DLGAP1: variants seen among roughly 807,000 people sequenced by gnomAD.
DLGAP1 encodes DLG associated protein 1, also known as disks large-associated protein 1.
DLGAP1 carries 11 observed loss-of-function variants against 90.8 expected under a neutral mutation model. That is an observed-to-expected ratio of 0.12 (90% CI 0.08 to 0.20). The LOEUF is 0.20. Ranked by LOEUF, DLGAP1 falls within the 10% of genes least tolerant of loss-of-function variation. The pLI is 1.00. For missense variants in DLGAP1, 1,050 were observed against 1,333.8 expected (o/e 0.79, Z 3.31); for synonymous variants, 558 against 540.7 (o/e 1.03, Z -0.44).
intron 1 of DLGAP1, among the ~76,000 whole-genome samples, chr18:4,427,496 G>C (rs1384398940): frequency 1.3e-5 from 2 of 152,178 alleles, no homozygotes; most frequent in African/African-American, 4.8e-5. Flanking sequence ...TAGATTGGAA[G>C]AGCTTGTTCT....
At chr18:4,057,949 T>C (rs2075246047) in intron 2 of DLGAP1, among the ~76,000 whole-genome samples, 1 of 152,192 alleles carries the variant, frequency 6.6e-6, no homozygotes, top group South Asian at 2.1e-4. Context: ...GCTCTGCTCC[T>C]CCTGGCTGAT....
intron 2 of DLGAP1, among the ~76,000 whole-genome samples, chr18:4,115,599 C>T (rs1302650099): frequency 1.3e-5 from 2 of 152,194 alleles, no homozygotes; most frequent in South Asian, 2.1e-4. Context: ...CATCCTCCTG[C>T]CTCAGCCTCC....
At chr18:3,902,353 C>T (rs2071803176) in intron 3 of DLGAP1, among the ~76,000 whole-genome samples, 1 of 152,080 alleles carries the variant, frequency 6.6e-6, no homozygotes, top group African/African-American at 2.4e-5. Context: ...AAAACTAAGT[C>T]TATTTGTGGA....
chr18:4,144,044 T>A (rs1398924128), intron 2 of DLGAP1, among the ~76,000 whole-genome samples: 1 of 152,078 alleles, frequency 6.6e-6, no homozygotes. Context: ...AAGTCTCTCT[T>A]AGGGTGTGAG....
At chr18:4,080,655 T>C (rs1030990325) in intron 2 of DLGAP1, among the ~76,000 whole-genome samples, 3 of 152,198 alleles carry the variant, frequency 2.0e-5, no homozygotes, top group Non-Finnish European at 2.9e-5. Flanking sequence ...GGCTGCTCCC[T>C]GGGAAGTTTC....
At chr18:4,231,441 G>C (rs2078296631) in intron 1 of DLGAP1, among the ~76,000 whole-genome samples, 1 of 152,164 alleles carries the variant, frequency 6.6e-6, no homozygotes, top group Non-Finnish European at 1.5e-5. Flanking sequence ...AGTAAAGCAA[G>C]AGATTATCAG....
chr18:4,413,810 A>G (rs2082834096), intron 1 of DLGAP1, among the ~76,000 whole-genome samples: 1 of 152,220 alleles, frequency 6.6e-6, no homozygotes, highest in African/African-American at 2.4e-5. Context: ...TGACATGGAT[A>G]TAAATTCTGA....
chr18:3,694,042 C>CCT (rs2060996300), intron 7 of DLGAP1, among the ~76,000 whole-genome samples: 3 of 148,704 alleles, frequency 2.0e-5, no homozygotes, highest in African/African-American at 7.7e-5. Context: ...CCACCCCCCC[C>CCT]TCAGCCCCCA....
intron 1 of DLGAP1, among the ~76,000 whole-genome samples, chr18:4,217,541 T>C (rs76175365): frequency 0.083 from 12,674 of 152,070 alleles, 843 homozygotes; most frequent in African/African-American, 0.18. Context: ...CTGCAGTTCT[T>C]TAATGACAGA....
chr18:3,934,734 C>T (rs949022863), intron 3 of DLGAP1, among the ~76,000 whole-genome samples: 1 of 152,160 alleles, frequency 6.6e-6, no homozygotes, highest in African/African-American at 2.4e-5. Context: ...AAATGACTGA[C>T]CAACGAGGCA....
intron 3 of DLGAP1, among the ~76,000 whole-genome samples, chr18:3,984,923 G>A (rs2073812095): frequency 6.6e-6 from 1 of 152,106 alleles, no homozygotes; most frequent in Non-Finnish European, 1.5e-5. Flanking sequence ...CCTCCATTCA[G>A]ACAGGTTTAT....
intron 1 of DLGAP1, among the ~76,000 whole-genome samples, chr18:4,447,942 T>C (rs1034658240): frequency 8.5e-5 from 13 of 152,132 alleles, no homozygotes; most frequent in Admixed American, 8.5e-4. Context: ...AATCTAAACA[T>C]TCTTGTATAG....
chr18:4,324,303 A>G (rs1304952945), intron 1 of DLGAP1, among the ~76,000 whole-genome samples: 1 of 151,176 alleles, frequency 6.6e-6, no homozygotes, highest in Admixed American at 6.6e-5. Flanking sequence ...ACAATCTCGT[A>G]TGACTGAACC....
At chr18:4,047,374 G>A (rs769523863) in intron 2 of DLGAP1, among the ~76,000 whole-genome samples, 20 of 152,234 alleles carry the variant, frequency 1.3e-4, no homozygotes, top group Non-Finnish European at 2.4e-4. Context: ...TTGGGTAAAT[G>A]TAATGAGACT....
At chr18:3,849,474 G>T (rs1461299017) in intron 4 of DLGAP1, among the ~76,000 whole-genome samples, 1 of 152,096 alleles carries the variant, frequency 6.6e-6, no homozygotes, top group Admixed American at 6.5e-5. Flanking sequence ...GAAGATCTCA[G>T]GTACTAGATG....
At chr18:3,837,140 T>C (rs957377277) in intron 4 of DLGAP1, among the ~76,000 whole-genome samples, 10 of 152,240 alleles carry the variant, frequency 6.6e-5, no homozygotes, top group African/African-American at 2.4e-4. Flanking sequence ...GCTTTCAAGA[T>C]GTGTTTTCTA....
At chr18:3,545,643 G>A (rs2052970960) in intron 9 of DLGAP1, among the ~76,000 whole-genome samples, 1 of 152,076 alleles carries the variant, frequency 6.6e-6, no homozygotes, top group Admixed American at 6.5e-5. Context: ...GATCACTTGA[G>A]GCCAGGAGTT....
rs1038197627 is a variant in DLGAP1, at chr18:4,383,941, C to T, written c.-267+71065G>A. On this transcript the variant is annotated intron_variant, in intron 1 of 12. Coordinates refer to ENST00000315677, the MANE Select transcript of DLGAP1 (RefSeq NM_004746.4). This position sits in a 1 kb window ranked among gnomAD's most constrained non-coding sequence, Gnocchi z 4.0. ...GGAAATGGAAAAGATTAGTGTAAAA[C>T]ACCCTTTCACTCTGCTAATAAGATG... Among the ~76,000 whole-genome samples, 5 of 152,096 alleles carry T rather than the reference C, an allele frequency of 3.3e-5. No homozygotes were observed. Among genetic ancestry groups the T allele is most frequent in the African/African-American group, 1.2e-4 (5 of 41,434 alleles).
intron 2 of DLGAP1, among the ~76,000 whole-genome samples, chr18:4,050,841 CA>C (rs34440669): frequency 0.2 from 30,931 of 152,098 alleles, 3,312 homozygotes; most frequent in Admixed American, 0.27. Flanking sequence ...TAAACCCTGA[CA>C]AAAACAGCAG....
Sources: allele counts gnomAD v4.1 joint callset (sites outside exome capture counted in the v4.1 genomes callset), GRCh38; gene constraint gnomAD v4.1.1; non-coding constraint Gnocchi (gnomAD v3.1); transcripts MANE v1.5; gene names NCBI Gene and HGNC (gene_info 2026-07-23, HGNC 2026-07-21).